Variants in PLA2G4A observed in about 807,000 individuals in gnomAD.
The protein encoded by PLA2G4A is cytosolic phospholipase A2.
PLA2G4A carries 40 observed loss-of-function variants against 81.9 expected under a neutral mutation model. That is an observed-to-expected ratio of 0.49 (90% CI 0.38 to 0.64). The LOEUF (loss-of-function observed/expected upper bound fraction) is 0.64, where lower values mean the gene tolerates loss of function less well. PLA2G4A is among the 30% of genes least tolerant of loss of function. The pLI, the probability that PLA2G4A is intolerant of heterozygous loss-of-function variation, is 0.00. For synonymous variants in PLA2G4A, 302 were observed against 296.9 expected (o/e 1.02, Z -0.18); for missense variants, 715 against 905.1 (o/e 0.79, Z 2.69).
In PLA2G4A at chr1:186,856,065, A is replaced by AAC. The variant is rs375318148; in HGVS notation, c.33+1693_33+1694dup. Among the ~76,000 whole-genome samples, 30 of 150,622 alleles carry AAC rather than the reference A, an allele frequency of 2.0e-4. 1 individual carries two copies. The highest frequency in any genetic ancestry group is 9.7e-4 in the East Asian group (5 of 5,136). On this transcript the variant is annotated intron_variant, in intron 2 of 17. Transcript: ENST00000367466. Reference sequence around the variant, plus strand: ...TTCATTTTGCCAATTTACACACACAAACACACACACACACACTCATGCATG... The same window carrying AAC: ...TTCATTTTGCCAATTTACACACACAAACACACACACACACACACTCATGCATG...
In PLA2G4A at chr1:186,860,226, A is replaced by C. The variant is rs6702522; in HGVS notation, c.33+5839A>C. ...GATATTAATTTATTAATTTATTATG[A>C]GACATTAATTAATTGATAATTGATT... On this transcript the variant is annotated intron_variant, in intron 2 of 17. Coordinates refer to ENST00000367466, the MANE Select transcript of PLA2G4A (RefSeq NM_024420.3). Among the ~76,000 whole-genome samples, 870 of 152,270 alleles carry C rather than the reference A, an allele frequency of 5.7e-3. 3 individuals carry two copies. Among genetic ancestry groups the C allele is most frequent in the African/African-American group, 0.019 (806 of 41,560 alleles).
chr1:186,982,805 G>A (rs1237798615), intron 17 of PLA2G4A, among the ~76,000 whole-genome samples: 2 of 152,082 alleles, frequency 1.3e-5, no homozygotes, highest in African/African-American at 4.8e-5. Context: ...GGGGCCGGGC[G>A]CCGTGGTTCA....
intron 14 of PLA2G4A, among the ~76,000 whole-genome samples, chr1:186,962,765 C>T (rs1465657303): frequency 6.6e-6 from 1 of 152,142 alleles, no homozygotes; most frequent in African/African-American, 2.4e-5. Context: ...CGTGATCCAC[C>T]CGCCTCGGCC....
intron 2 of PLA2G4A, among the ~76,000 whole-genome samples, 177 bp from the exon 3 acceptor site, chr1:186,870,258 C>G (rs1400468129): frequency 6.6e-6 from 1 of 152,146 alleles, no homozygotes; most frequent in Non-Finnish European, 1.5e-5. Context: ...ACAATCTAAA[C>G]TCAATGATTC....
chr1:186,920,975 G>C (rs1392445282), intron 7 of PLA2G4A, among the ~76,000 whole-genome samples: 1 of 152,102 alleles, frequency 6.6e-6, no homozygotes, highest in Non-Finnish European at 1.5e-5. Flanking sequence ...TGATTTTCAG[G>C]GCTATTTGGA....
chr1:186,977,518 A>G, intron 15 of PLA2G4A, 75 bp from the exon 16 acceptor site: 1 of 957,938 alleles, frequency 1.0e-6, no homozygotes, highest in Admixed American at 1.8e-5. Flanking sequence ...CCTAGTGAAC[A>G]CTGAATTATG....
In PLA2G4A at chr1:186,876,875, A is replaced by C. The variant is rs552626072; in HGVS notation, c.115+6359A>C. Among the ~76,000 whole-genome samples the C allele has an allele frequency of 1.2e-4, 18 of 152,190 alleles. No individual in the cohort carries two copies. The South Asian group carries it at 3.5e-3, about 30-fold the overall frequency. ...GGGTAACCCTCTTTCCTTCAGCTTT[A>C]TCTCTCCAATGTTGCAGCCTCAGTC... On this transcript the variant is annotated intron_variant, in intron 3 of 17. Coordinates refer to ENST00000367466, the MANE Select transcript of PLA2G4A (RefSeq NM_024420.3).
At chr1:186,984,459 C>T (rs180780064) in intron 17 of PLA2G4A, among the ~76,000 whole-genome samples, 5 of 152,106 alleles carry the variant, frequency 3.3e-5, no homozygotes, top group Admixed American at 3.3e-4. Context: ...TCAGCATATG[C>T]CAATGATGCA....
chr1:186,930,523 T>G (rs182033826), intron 7 of PLA2G4A, among the ~76,000 whole-genome samples: 4 of 152,230 alleles, frequency 2.6e-5, no homozygotes, highest in African/African-American at 9.6e-5. Flanking sequence ...CCAGTTTCTC[T>G]TATTAAATCT....
Position 186,965,526 on chromosome 1 carries a change from G to A in PLA2G4A, c.1697G>A (p.Arg566Lys). 1.2e-6 allele frequency: 2 copies of A among 1,613,260 alleles called. No homozygotes were observed. Among genetic ancestry groups the A allele is most frequent in the Non-Finnish European group, 1.7e-6 (2 of 1,179,194 alleles). Residue 566 changes from arginine to lysine, a missense_variant, in exon 15 of 18, where the codon AGA (arginine) becomes AAA (lysine). Arg to Lys is a conservative substitution (Grantham distance 26). Coordinates refer to ENST00000367466, the MANE Select transcript of PLA2G4A (RefSeq NM_024420.3). ...TATCCCTTGATACTGAGACCTCAGA[G>A]AGGGGTTGATCTCATAATCTCCTTT... The part of the protein sequence containing the change: ...LPYPLILRPQ[R>K]GVDLIISFDF...
intron 6 of PLA2G4A, among the ~76,000 whole-genome samples, chr1:186,908,246 A>G (rs1320156874): frequency 1.3e-5 from 2 of 152,064 alleles, no homozygotes; most frequent in African/African-American, 4.8e-5. Flanking sequence ...AAAATTACTC[A>G]GAATTTTTTG....
intron 7 of PLA2G4A, among the ~76,000 whole-genome samples, chr1:186,915,346 G>A (rs1234022290): frequency 2.6e-5 from 4 of 152,062 alleles, no homozygotes; most frequent in Non-Finnish European, 5.9e-5. Context: ...AGGCTCTGCC[G>A]GTTTTATTAG....
At chr1:186,880,451 C>A (rs895697136) in intron 3 of PLA2G4A, among the ~76,000 whole-genome samples, 1 of 151,780 alleles carries the variant, frequency 6.6e-6, no homozygotes, top group Non-Finnish European at 1.5e-5. Context: ...TGGTTCTAAA[C>A]TGGGAAACAA....
intron 5 of PLA2G4A, 115 bp from the exon 6 acceptor site, chr1:186,906,850 T>A (rs911075546): frequency 4.7e-6 from 3 of 642,648 alleles, no homozygotes; most frequent in Non-Finnish European, 8.4e-6. Flanking sequence ...ATTTTTAGGG[T>A]TTTGTTTTTT....
At chr1:186,975,829 GGT>G (rs1048509136) in intron 15 of PLA2G4A, among the ~76,000 whole-genome samples, 4 of 152,120 alleles carry the variant, frequency 2.6e-5, no homozygotes, top group African/African-American at 9.7e-5. Flanking sequence ...CAAGTTTTAG[GGT>G]GTCTGTCTTA....
At chr1:186,943,643 G>A (rs931811654) in intron 10 of PLA2G4A, among the ~76,000 whole-genome samples, 2 of 151,958 alleles carry the variant, frequency 1.3e-5, no homozygotes, top group African/African-American at 2.4e-5. Context: ...TATCAAGTAC[G>A]GGTAAAAAGA....
Position 186,939,973 on chromosome 1 carries a change from TG to T in PLA2G4A, c.919-5del. 7.8e-7 allele frequency: 1 copy of T among 1,285,294 alleles called. No homozygotes were observed. Among genetic ancestry groups the T allele is most frequent in the African/African-American group, 1.5e-5 (1 of 68,720 alleles). The allele number at this position is 1,285,294 out of a possible 1,614,324, so 79.6% of individuals were successfully genotyped here. On this transcript the variant is annotated splice_polypyrimidine_tract_variant and splice_region_variant and intron_variant, in intron 9 of 17. Transcript: ENST00000367466. ...TAAAGTCATCTTTTTCTTTCTTCTG[TG>T]GACAGAGAATGAATACTACTCTGAG...
intron 3 of PLA2G4A, 145 bp from the exon 4 acceptor site, chr1:186,892,866 A>G (rs1438184883): frequency 1.5e-6 from 1 of 666,740 alleles, no homozygotes; most frequent in South Asian, 1.7e-5. Flanking sequence ...ATGTTTTTCT[A>G]TTATGTGTAT....
At chr1:186,984,530 T>C (rs970956197) in intron 17 of PLA2G4A, among the ~76,000 whole-genome samples, 6 of 152,244 alleles carry the variant, frequency 3.9e-5, no homozygotes, top group African/African-American at 1.4e-4. Flanking sequence ...TAAATGTTAA[T>C]TAAAATGAGG....
Sources: allele counts gnomAD v4.1 joint callset (sites outside exome capture counted in the v4.1 genomes callset), GRCh38; gene constraint gnomAD v4.1.1; transcripts MANE v1.5; gene names NCBI Gene and HGNC (gene_info 2026-07-23, HGNC 2026-07-21).